ACOXL: variants seen among roughly 807,000 people sequenced by gnomAD.
ACOXL encodes acyl-CoA oxidase like, also known as acyl-coenzyme A oxidase-like protein.
A neutral mutation model predicts 71.9 loss-of-function variants in ACOXL; 70 were observed. That is an observed-to-expected ratio of 0.97 (90% CI 0.80 to 1.19). ACOXL has a LOEUF of 1.19. Among genes scored for constraint, ACOXL ranks in the 50% most tolerant of loss-of-function variants. The pLI is 0.00. For missense variants in ACOXL, 703 were observed against 736.3 expected (o/e 0.95, Z 0.52); for synonymous variants, 253 against 281.6 (o/e 0.90, Z 1.02).
chr2:110,842,584 G>A (rs146117587), intron 10 of ACOXL, among the ~76,000 whole-genome samples: 1 of 152,224 alleles, frequency 6.6e-6, no homozygotes, highest in African/African-American at 2.4e-5. Context: ...CACAGTTGTA[G>A]AGATGGATAA....
chr2:110,840,990 A>G (rs1157705283), intron 9 of ACOXL, among the ~76,000 whole-genome samples: 1 of 152,096 alleles, frequency 6.6e-6, no homozygotes, highest in East Asian at 1.9e-4. Context: ...CCTAATGCCA[A>G]CCTTGGAATC....
At chr2:110,862,208 C>T (rs969998828) in intron 10 of ACOXL, among the ~76,000 whole-genome samples, 2 of 152,154 alleles carry the variant, frequency 1.3e-5, no homozygotes, top group African/African-American at 4.8e-5. Flanking sequence ...CAGCCACATG[C>T]GACATTGGGA....
intron 16 of ACOXL, among the ~76,000 whole-genome samples, chr2:111,061,574 AAAC>A (rs2066814764): frequency 6.6e-6 from 1 of 152,196 alleles, no homozygotes; most frequent in South Asian, 2.1e-4. Flanking sequence ...AGAATTCGGT[AAAC>A]AAAGATGGTA....
intron 11 of ACOXL, among the ~76,000 whole-genome samples, chr2:110,926,356 G>A (rs1254531897): frequency 6.6e-6 from 1 of 152,136 alleles, no homozygotes; most frequent in African/African-American, 2.4e-5. Context: ...CCTACTTTGG[G>A]TTGTCAAGGG....
At chr2:110,970,524 T>G (rs573694904) in intron 12 of ACOXL, among the ~76,000 whole-genome samples, 16 of 152,310 alleles carry the variant, frequency 1.1e-4, no homozygotes, top group Admixed American at 2.6e-4. Flanking sequence ...ATAGCTAACA[T>G]CATGCTTAAT....
intron 12 of ACOXL, among the ~76,000 whole-genome samples, chr2:110,961,190 G>C (rs1283222743): frequency 6.6e-6 from 1 of 152,228 alleles, no homozygotes; most frequent in Middle Eastern, 3.2e-3. Flanking sequence ...TTTGAGGGCT[G>C]TGAGCCCTGT....
chr2:110,919,750 C>T (rs1449338471), intron 11 of ACOXL, among the ~76,000 whole-genome samples: 1 of 152,160 alleles, frequency 6.6e-6, no homozygotes, highest in Non-Finnish European at 1.5e-5. Flanking sequence ...CCCCAGCAAC[C>T]TGTATTTTAC....
chr2:110,838,395 G>A (rs763424823), intron 9 of ACOXL, among the ~76,000 whole-genome samples: 1 of 152,120 alleles, frequency 6.6e-6, no homozygotes, highest in African/African-American at 2.4e-5. Flanking sequence ...GGTGAGACTT[G>A]CTTAAAGCGT....
intron 16 of ACOXL, among the ~76,000 whole-genome samples, chr2:111,082,378 A>G (rs1289197042): frequency 6.6e-6 from 1 of 152,150 alleles, no homozygotes; most frequent in Non-Finnish European, 1.5e-5. Context: ...ATGCATAGAC[A>G]CTTCTCAAAA....
Position 110,849,749 on chromosome 2 carries a change from AAAACAAAC to A in ACOXL, c.788+8368_788+8375del, listed in dbSNP as rs71383889. On this transcript the variant is annotated intron_variant, in intron 10 of 17. Coordinates refer to ENST00000439055, the MANE Select transcript of ACOXL (RefSeq NM_001142807.4). ...CTCCAGACTGGGTGACAGAGTGAGA[AAAACAAAC>A]AAACAAACAAACAAACAAACAAAAA... Among the ~76,000 whole-genome samples the A allele has an allele frequency of 7.2e-3, 1,087 of 151,096 alleles. 3 individuals carry two copies. The highest frequency in any genetic ancestry group is 0.011 in the Non-Finnish European group (743 of 67,892).
chr2:110,941,708 A>G (rs544205354), intron 12 of ACOXL, among the ~76,000 whole-genome samples: 2 of 152,356 alleles, frequency 1.3e-5, no homozygotes, highest in East Asian at 3.9e-4. Flanking sequence ...CTAAAATTCT[A>G]TATCCAACAA....
At chr2:110,945,461 G>T (rs2061064328) in intron 12 of ACOXL, among the ~76,000 whole-genome samples, 1 of 151,662 alleles carries the variant, frequency 6.6e-6, no homozygotes, top group Admixed American at 6.6e-5. Context: ...ATCTTCCAGG[G>T]TTTTTATAGT....
chr2:110,815,961 A>C (rs1687857719), intron 9 of ACOXL, among the ~76,000 whole-genome samples: 1 of 152,146 alleles, frequency 6.6e-6, no homozygotes, highest in South Asian at 2.1e-4. Flanking sequence ...GCACTCAGTG[A>C]ATGGACAGAT....
At chr2:110,811,325 G>A (rs1378016531) in intron 9 of ACOXL, among the ~76,000 whole-genome samples, 1 of 152,160 alleles carries the variant, frequency 6.6e-6, no homozygotes, top group Non-Finnish European at 1.5e-5. Context: ...TGGGGGGTCA[G>A]TGTGGGGACT....
Position 111,049,216 on chromosome 2 carries a change from A to G in ACOXL, c.1370-2A>G. ...TCACAATTTCCATTTCTTCCCTTCC[A>G]GTTACCTTAGAGCAGTTCTCCCTAG... On this transcript the variant is annotated splice_acceptor_variant, in intron 15 of 17. Coordinates refer to ENST00000439055, the MANE Select transcript of ACOXL (RefSeq NM_001142807.4). LOFTEE classifies it high-confidence loss of function. The G allele has an allele frequency of 6.2e-7, 1 of 1,608,484 alleles. No homozygotes were observed. Among genetic ancestry groups the G allele is most frequent in the Non-Finnish European group, 8.5e-7 (1 of 1,174,906 alleles).
At chr2:111,001,487 C>T (rs906918622) in intron 14 of ACOXL, among the ~76,000 whole-genome samples, 4 of 152,116 alleles carry the variant, frequency 2.6e-5, no homozygotes, top group African/African-American at 9.7e-5. Flanking sequence ...AAGCAAGAAC[C>T]CAGAGGGTGG....
chr2:110,887,423 A>G (rs1427859020), intron 10 of ACOXL: 1 of 152,332 alleles, frequency 6.6e-6, no homozygotes, highest in Non-Finnish European at 1.5e-5. Flanking sequence ...GGCCATTCCT[A>G]GCATTTCAAC....
intron 11 of ACOXL, among the ~76,000 whole-genome samples, chr2:110,909,759 G>A (rs760139793): frequency 2.0e-5 from 3 of 150,728 alleles, no homozygotes; most frequent in Non-Finnish European, 2.9e-5. Flanking sequence ...ACTATGGATT[G>A]CCCAGGCGTC....
At position 110,798,949 on chromosome 2, in the gene ACOXL, T is replaced by C. The variant is rs73956462; in HGVS notation, c.461-65T>C. On this transcript the variant is annotated intron_variant, in intron 6 of 17. Coordinates refer to ENST00000439055, the MANE Select transcript of ACOXL (RefSeq NM_001142807.4). ...TTTGAGGATCACAGAAATGTTATAC[T>C]ATTCCAGGACATGAGTAAAGCTATA... 2.9e-3 allele frequency: 4,314 copies of C among 1,505,270 alleles called. 120 individuals carry two copies. In the African/African-American group the frequency reaches 0.052, roughly 18 times the overall value. The allele number at this position is 1,505,270 out of a possible 1,614,324, so 93.2% of individuals were successfully genotyped here.
Sources: gnomAD v4.1 joint callset for allele counts (sites outside exome capture counted in the v4.1 genomes callset) on GRCh38, gnomAD v4.1.1 for gene constraint, MANE v1.5 for transcripts, NCBI Gene and HGNC (gene_info 2026-07-23, HGNC 2026-07-21) for gene names.